Variants in EIF3K observed in about 807,000 individuals in gnomAD.
EIF3K encodes eIF-3 p28.
A neutral mutation model predicts 34.2 loss-of-function variants in EIF3K; 27 were observed. That is an observed-to-expected ratio of 0.79 (90% CI 0.58 to 1.09). The LOEUF (loss-of-function observed/expected upper bound fraction) is 1.09, where lower values mean the gene tolerates loss of function less well. EIF3K is among the 50% of genes least tolerant of loss of function. The probability of loss-of-function intolerance (pLI) is 0.00; values close to 1 mark genes in which losing one functional copy is unlikely to be tolerated. For missense variants in EIF3K, 232 were observed against 275.4 expected (o/e 0.84, Z 1.11); for synonymous variants, 105 against 105.7 (o/e 0.99, Z 0.04).
rs1363069984 is a variant in EIF3K, at chr19:38,632,663, C to T, written c.484C>T (p.Leu162Phe). The T allele has an allele frequency of 4.3e-6, 7 of 1,613,300 alleles. No homozygotes were observed. In the East Asian group the frequency reaches 1.6e-4, roughly 36 times the overall value. Reference protein sequence around the residue: ...HIDRWLLAEMLGDLSDSQLKV... With the variant: ...HIDRWLLAEMFGDLSDSQLKV... Reference sequence around the variant, plus strand: ...TGACCGCTGGCTGCTGGCCGAGATGCTCGGGGATCTGTCGGGTAACGCCCT... The same window carrying T: ...TGACCGCTGGCTGCTGGCCGAGATGTTCGGGGATCTGTCGGGTAACGCCCT... The change falls in exon 6 of 8, where the codon CTC becomes TTC. Residue 162 changes from leucine (L) to phenylalanine (F), a missense_variant. Transcript: ENST00000248342.
intron 2 of EIF3K, among the ~76,000 whole-genome samples, chr19:38,620,782 TA>T (rs1205786640): frequency 6.6e-6 from 1 of 151,892 alleles, no homozygotes; most frequent in Non-Finnish European, 1.5e-5. Flanking sequence ...TAATCCCAGC[TA>T]CTCGGGAGGC....
intron 7 of EIF3K, 120 bp from the exon 8 acceptor site, chr19:38,636,769 T>C: frequency 8.5e-7 from 1 of 1,177,672 alleles, no homozygotes; most frequent in South Asian, 1.2e-5. Flanking sequence ...TTTGTGATGG[T>C]AACTGGGGCC....
In EIF3K at chr19:38,632,591, A is replaced by G. The variant is rs1976094344; in HGVS notation, c.422-10A>G. ...CAGCTGCTCACCGGTTTTGTCTCTG[A>G]CCTCCACAGTTATCTGCCATGTTGT... On this transcript the variant is annotated splice_polypyrimidine_tract_variant and intron_variant, in intron 5 of 7. Coordinates refer to ENST00000248342, the MANE Select transcript of EIF3K (RefSeq NM_013234.4). 6.2e-7 allele frequency: 1 copy of G among 1,613,168 alleles called. No homozygotes were observed. Among genetic ancestry groups the G allele is most frequent in the Non-Finnish European group, 8.5e-7 (1 of 1,179,536 alleles).
rs546818396 is a variant in EIF3K at position 38,629,598 on chromosome 19, A to G, written c.355-2832A>G. On this transcript the variant is annotated intron_variant, in intron 4 of 7. Transcript: ENST00000248342. ...GTTGAGCCACCACGCCCGGCCACAA[A>G]TCTGGATTTCTGCCCACCTCACTGG... Among the ~76,000 whole-genome samples, 90 of 152,168 alleles carry G rather than the reference A, an allele frequency of 5.9e-4. 1 individual carries two copies. Among genetic ancestry groups the G allele is most frequent in the Admixed American group, 4.5e-3 (68 of 15,262 alleles).
At chr19:38,626,471 T>C (rs1975953449) in intron 4 of EIF3K, 1 of 226,232 alleles carries the variant, frequency 4.4e-6, no homozygotes, top group African/African-American at 2.3e-5. Flanking sequence ...CTGAGCAACA[T>C]AGTGAAACTT....
At chr19:38,622,375 A>C (rs1352407918) in intron 2 of EIF3K, among the ~76,000 whole-genome samples, 1 of 152,218 alleles carries the variant, frequency 6.6e-6, no homozygotes, top group Admixed American at 6.5e-5. Flanking sequence ...GAGACATCAC[A>C]CATTGGTAGG....
chr19:38,628,883 C>G (rs1347032912), intron 4 of EIF3K, among the ~76,000 whole-genome samples: 1 of 151,940 alleles, frequency 6.6e-6, no homozygotes. Flanking sequence ...CAGCTACGGT[C>G]TTGCTTCCTT....
In EIF3K at chr19:38,632,425, C is replaced by A; in HGVS notation, c.355-5C>A. Reference sequence around the variant, plus strand: ...AAACATTGTGAACATCAATTCCCATCACAGCAAGCCCTGGATGAAAACATG... The same window carrying A: ...AAACATTGTGAACATCAATTCCCATAACAGCAAGCCCTGGATGAAAACATG... On this transcript the variant is annotated splice_region_variant and splice_polypyrimidine_tract_variant and intron_variant, in intron 4 of 7. Transcript: ENST00000248342. 3 of 1,613,394 alleles carry A rather than the reference C, an allele frequency of 1.9e-6. No homozygotes were observed. The highest frequency in any genetic ancestry group is 1.7e-6 in the Non-Finnish European group (2 of 1,179,356).
chr19:38,624,349 C>T, intron 3 of EIF3K, 152 bp downstream of exon 3: 1 of 1,260,456 alleles, frequency 7.9e-7, no homozygotes, highest in Non-Finnish European at 1.1e-6. Context: ...TGCTGGGACA[C>T]TGGTGACTGA....
chr19:38,621,875 T>C lies in EIF3K; in HGVS notation c.158+1440T>C, dbSNP rs183745342. Reference sequence around the variant, plus strand: ...CTGTCCTAATGATCTCTTCTGGCTCTTGATGGACATTGTGGGTTCTTCGTG... The same window carrying C: ...CTGTCCTAATGATCTCTTCTGGCTCCTGATGGACATTGTGGGTTCTTCGTG... On this transcript the variant is annotated intron_variant, in intron 2 of 7. Transcript: ENST00000248342. Among the ~76,000 whole-genome samples the C allele has an allele frequency of 3.9e-4, 60 of 152,102 alleles. 1 individual carries two copies. The East Asian group carries it at 0.011, about 29-fold the overall frequency.
chr19:38,630,534 C>G (rs984204584), intron 4 of EIF3K, among the ~76,000 whole-genome samples: 4 of 151,652 alleles, frequency 2.6e-5, no homozygotes, highest in African/African-American at 9.7e-5. Flanking sequence ...TTAGTAGAGA[C>G]GAGGTTTCAC....
intron 7 of EIF3K, chr19:38,635,328 CCT>C (rs1033342793): frequency 4.4e-6 from 3 of 683,260 alleles, no homozygotes; most frequent in East Asian, 2.7e-5. Flanking sequence ...ACTTCTAGGC[CCT>C]GTGTCCTGCC....
chr19:38,635,124 T>C lies in EIF3K; in HGVS notation c.625+6T>C. 6.2e-7 allele frequency: 1 copy of C among 1,614,122 alleles called. No homozygotes were observed. The highest frequency in any genetic ancestry group is 1.1e-5 in the South Asian group (1 of 91,066). On this transcript the variant is annotated splice_donor_region_variant and intron_variant, in intron 7 of 7. Transcript: ENST00000248342. ...GGAGAAGATTGACTTTGACAGTGAG[T>C]GGTGACCCACGGCCTCGGGCTTTGG...
chr19:38,620,188 A>G (rs1470368174), intron 1 of EIF3K, 149 bp from the exon 2 acceptor site: 3 of 646,436 alleles, frequency 4.6e-6, no homozygotes. Context: ...TATACTGGAC[A>G]TAATTCACTA....
At chr19:38,629,770 C>T (rs527807048) in intron 4 of EIF3K, among the ~76,000 whole-genome samples, 4 of 152,156 alleles carry the variant, frequency 2.6e-5, no homozygotes, top group African/African-American at 7.2e-5. Flanking sequence ...CTGAGGTAGG[C>T]GGGTGTCTGG....
chr19:38,632,888 G>A, intron 6 of EIF3K: 1 of 519,422 alleles, frequency 1.9e-6, no homozygotes, highest in South Asian at 3.1e-5. Flanking sequence ...CATTAATTGA[G>A]TGCCTACCGT....
intron 4 of EIF3K, among the ~76,000 whole-genome samples, chr19:38,626,646 G>T (rs529836547): frequency 1.3e-4 from 20 of 152,260 alleles, no homozygotes; most frequent in Non-Finnish European, 2.9e-4. Context: ...TCAAGAAAGA[G>T]AAATTCTCCG....
chr19:38,628,346 A>G (rs970143738), intron 4 of EIF3K, among the ~76,000 whole-genome samples: 4 of 152,176 alleles, frequency 2.6e-5, no homozygotes, highest in African/African-American at 9.7e-5. Context: ...GTTGGGAGCC[A>G]CTGCCGTCAC....
chr19:38,627,442 A>G (rs1044379167), intron 4 of EIF3K, among the ~76,000 whole-genome samples: 1 of 151,660 alleles, frequency 6.6e-6, no homozygotes, highest in Non-Finnish European at 1.5e-5. Flanking sequence ...AGGCAGGTGG[A>G]TCACCTGAGG....
Sources: allele counts gnomAD v4.1 joint callset (sites outside exome capture counted in the v4.1 genomes callset), GRCh38; gene constraint gnomAD v4.1.1; transcripts MANE v1.5; gene names NCBI Gene and HGNC (gene_info 2026-07-23, HGNC 2026-07-21).